NARF: variants seen among roughly 807,000 people sequenced by gnomAD.
The protein encoded by NARF is iron-only hydrogenase-like protein 2.
A neutral mutation model predicts 48.0 loss-of-function variants in NARF; 41 were observed. The ratio of observed to expected loss-of-function variants is 0.85; its 90% CI spans 0.66 to 1.11. The LOEUF is 1.11. Ranked by LOEUF, NARF falls within the 50% of genes least tolerant of loss-of-function variation. The pLI is 0.00. For missense variants in NARF, 613 were observed against 590.2 expected, an observed-to-expected ratio of 1.04 and a Z score of -0.40; for synonymous variants, 215 against 225.5, an observed-to-expected ratio of 0.95 and a Z score of 0.42.
Position 82,488,427 on chromosome 17 carries a change from G to T in NARF, c.*270G>T. 3 of 373,578 alleles carry T rather than the reference G, an allele frequency of 8.0e-6. No individual in the cohort carries two copies. The South Asian group carries it at 9.7e-5, about 12-fold the overall frequency. 23.1% of individuals were successfully genotyped at this position (373,578 alleles called of 1,614,324 possible). On this transcript the variant is annotated 3_prime_UTR_variant, in exon 11 of 11. Transcript: ENST00000309794. ...GTCTCACTCTGTCACCCAGGCTGGA[G>T]TGCAATGGCGCAATCTCAGCTCACT...
Position 82,471,653 on chromosome 17 carries a change from G to A in NARF, c.386-911G>A, listed in dbSNP as rs1214741947. Among the ~76,000 whole-genome samples the A allele has an allele frequency of 4.7e-5, 7 of 148,334 alleles. 1 individual carries two copies. Among genetic ancestry groups the A allele is most frequent in the East Asian group, 2.0e-4 (1 of 4,930 alleles). On this transcript the variant is annotated intron_variant, in intron 4 of 10. Transcript: ENST00000309794. ...TAAAAATACAAAAAATTAGCCGGGC[G>A]TGGTGGTGGGCGCCTGTAGTCCCAG...
intron 10 of NARF, among the ~76,000 whole-genome samples, chr17:82,486,343 G>A (rs8075548): frequency 7.2e-5 from 11 of 152,238 alleles, no homozygotes; most frequent in African/African-American, 2.4e-4. Context: ...TGTGAGTCGG[G>A]GGGGGCACCA....
intron 1 of NARF, chr17:82,459,130 A>G (rs2043364618): frequency 8.6e-7 from 1 of 1,167,580 alleles, no homozygotes; most frequent in Non-Finnish European, 1.1e-6. Flanking sequence ...CCGAGTAAAC[A>G]GCGGTCGTGG....
chr17:82,464,456 T>C (rs1316964334), intron 3 of NARF, 26 bp downstream of exon 3: 2 of 1,595,824 alleles, frequency 1.3e-6, no homozygotes, highest in Middle Eastern at 1.7e-4. Flanking sequence ...CATTTGCTGA[T>C]GCTGGGGAGC....
rs141839538 is a variant in NARF at position 82,476,417 on chromosome 17, C to T, written c.521-2383C>T. 4.0e-3 allele frequency among the ~76,000 whole-genome samples: 603 copies of T among 151,822 alleles called. 7 individuals are homozygous for T. The highest frequency in any genetic ancestry group is 0.017 in the Middle Eastern group (5 of 294). On this transcript the variant is annotated intron_variant, in intron 5 of 10. Coordinates refer to ENST00000309794, the MANE Select transcript of NARF (RefSeq NM_012336.4). ...TCGGCCTCCCAAAGTGCTGGGATTACAGCAGTGAGCCACTGTGCCCAGCTA... is the reference window on the plus strand; with the variant it reads ...TCGGCCTCCCAAAGTGCTGGGATTATAGCAGTGAGCCACTGTGCCCAGCTA...
chr17:82,473,122 G>T (rs141417250), intron 5 of NARF, among the ~76,000 whole-genome samples: 1 of 151,698 alleles, frequency 6.6e-6, no homozygotes, highest in South Asian at 2.1e-4. Flanking sequence ...TGTATTATTA[G>T]TGGAGATGGG....
chr17:82,459,846 G>A, intron 1 of NARF, 146 bp from the exon 2 acceptor site: 1 of 621,586 alleles, frequency 1.6e-6, no homozygotes, highest in Non-Finnish European at 2.6e-6. Context: ...TCCAGCCTGG[G>A]TGAGAGCGAG....
chr17:82,481,174 G>T lies in NARF; in HGVS notation c.732G>T (p.Leu244Phe). The change falls in exon 7 of 11, where the codon TTG (leucine) becomes TTT (phenylalanine). Residue 244 changes from leucine (L) to phenylalanine (F), a missense_variant. Physicochemically the swap from Leu to Phe is conservative, Grantham distance 22 (BLOSUM62 0). Coordinates refer to ENST00000309794, the MANE Select transcript of NARF (RefSeq NM_012336.4). The part of the protein sequence containing the change: ...EALQESLPPA[L>F]HGSRGADCVL... ...TTCAGGAAAGCCTTCCCCCTGCTTTGCATGGCTCCCGGGGCGCTGACTGCG... is the reference window on the plus strand; with the variant it reads ...TTCAGGAAAGCCTTCCCCCTGCTTTTCATGGCTCCCGGGGCGCTGACTGCG... 1 of 1,614,092 alleles carries T rather than the reference G, an allele frequency of 6.2e-7. No individual in the cohort carries two copies. Among genetic ancestry groups the T allele is most frequent in the Non-Finnish European group, 8.5e-7 (1 of 1,180,008 alleles).
intron 2 of NARF, among the ~76,000 whole-genome samples, chr17:82,461,796 T>C (rs1055469482): frequency 8.5e-5 from 13 of 152,166 alleles, no homozygotes; most frequent in Admixed American, 1.3e-4. Flanking sequence ...AGAAGCATAT[T>C]TTTTCCTTAA....
chr17:82,483,475 C>A, intron 7 of NARF: 2 of 480,514 alleles, frequency 4.2e-6, no homozygotes, highest in Non-Finnish European at 7.6e-6. Context: ...TACATAAATC[C>A]CACAGTTCAA....
chr17:82,471,645 A>T (rs1390079416), intron 4 of NARF, among the ~76,000 whole-genome samples: 1 of 146,024 alleles, frequency 6.8e-6, no homozygotes, highest in South Asian at 2.2e-4. Flanking sequence ...ACAAAAAATT[A>T]GCCGGGCGTG....
intron 4 of NARF, 64 bp from the exon 5 acceptor site, chr17:82,472,499 GA>G: frequency 7.7e-7 from 1 of 1,302,806 alleles, no homozygotes. Context: ...AAAAAAAAAA[GA>G]GGAAGCCTAA....
At chr17:82,472,806 C>G in intron 5 of NARF, 108 bp downstream of exon 5, 1 of 1,341,608 alleles carries the variant, frequency 7.5e-7, no homozygotes, top group East Asian at 2.6e-5. Flanking sequence ...TCCCACCCAG[C>G]CTTGTAGACC....
At chr17:82,480,287 GCGCACA>G (rs778608099) in intron 6 of NARF, 1 of 375,764 alleles carries the variant, frequency 2.7e-6, no homozygotes. Flanking sequence ...TAGCCAGCGC[GCGCACA>G]CACACACACA....
chr17:82,478,884 G>C lies in NARF; in HGVS notation c.605G>C (p.Gly202Ala), dbSNP rs557074887. Residue 202 changes from glycine to alanine, a missense_variant, in exon 6 of 11, where the codon GGC (glycine) becomes GCC (alanine). Physicochemically the swap from Gly to Ala is moderately conservative, Grantham distance 60. Coordinates refer to ENST00000309794, the MANE Select transcript of NARF (RefSeq NM_012336.4). ...GCCAAGTCCCCCCAGCAGGTCATGG[G>C]CTCTTTGGTGAAGGATTATTTCGCC... is the stretch of plus-strand genomic sequence containing the variant. ...CTAKSPQQVM[G>A]SLVKDYFARQ... is the part of the protein sequence containing the mutation. The C allele has an allele frequency of 6.2e-7, 1 of 1,614,036 alleles. No homozygotes were observed. Among genetic ancestry groups the C allele is most frequent in the South Asian group, 1.1e-5 (1 of 91,080 alleles).
Position 82,485,565 on chromosome 17 carries a change from A to G in NARF, c.1040A>G (p.Tyr347Cys), listed in dbSNP as rs201117125. The G allele has an allele frequency of 1.2e-4, 186 of 1,614,142 alleles. No individual in the cohort carries two copies. The highest frequency in any genetic ancestry group is 1.6e-4 in the Middle Eastern group (1 of 6,084). ...GEVVLRFAAA[Y>C]GFRNIQNMIL... ...GTGGTGTTACGCTTTGCTGCAGCCT[A>G]TGGCTTTCGAAACATCCAGAACATG... Residue 347 changes from tyrosine (Y) to cysteine (C), a missense_variant, in exon 10 of 11, where the codon TAT (tyrosine) becomes TGT (cysteine). By Grantham distance (194) the Tyr-to-Cys change is radical. Coordinates refer to ENST00000309794, the MANE Select transcript of NARF (RefSeq NM_012336.4).
chr17:82,469,491 T>C (rs988263360), intron 4 of NARF, among the ~76,000 whole-genome samples: 2 of 152,228 alleles, frequency 1.3e-5, no homozygotes, highest in Non-Finnish European at 2.9e-5. Flanking sequence ...CATTTGCTTA[T>C]AGAGGGGCTT....
At chr17:82,483,676 C>T in intron 7 of NARF, 40 bp from the exon 8 acceptor site, 3 of 1,601,820 alleles carry the variant, frequency 1.9e-6, no homozygotes, top group East Asian at 2.2e-5. Flanking sequence ...TTCCTGTGGC[C>T]ACCTGTGTCT....
At chr17:82,469,994 G>A (rs560515249) in intron 4 of NARF, among the ~76,000 whole-genome samples, 1 of 152,260 alleles carries the variant, frequency 6.6e-6, no homozygotes, top group South Asian at 2.1e-4. Flanking sequence ...CACTTTGGAA[G>A]GCCAAGACCA....
Sources: gnomAD v4.1 joint callset for allele counts (sites outside exome capture counted in the v4.1 genomes callset) on GRCh38, gnomAD v4.1.1 for gene constraint, MANE v1.5 for transcripts, NCBI Gene and HGNC (gene_info 2026-07-23, HGNC 2026-07-21) for gene names.